LIMCH1: variants seen among roughly 807,000 people sequenced by gnomAD.
LIMCH1 encodes LIM and calponin homology domains 1, also known as LIM and calponin homology domains-containing protein 1.
In LIMCH1, 113 loss-of-function variants were observed where a neutral mutation model predicts 176.5. The ratio of observed to expected loss-of-function variants is 0.64; its 90% confidence interval spans 0.55 to 0.75. The LOEUF is 0.75. Among genes scored for constraint, LIMCH1 ranks in the 30% least tolerant of loss-of-function variants. LIMCH1 has a pLI of 0.00. For missense variants in LIMCH1, 1,674 were observed against 1,814.9 expected, an observed-to-expected ratio of 0.92 and a Z score of 1.41; for synonymous variants, 619 against 645.9, an observed-to-expected ratio of 0.96 and a Z score of 0.63.
intron 1 of LIMCH1, among the ~76,000 whole-genome samples, chr4:41,484,516 A>G (rs1479380501): frequency 1.3e-5 from 2 of 152,240 alleles, no homozygotes; most frequent in East Asian, 3.8e-4. Context: ...GTTCTGCTTT[A>G]TTTCACAATT....
At chr4:41,696,028 T>C (rs1730408901) in intron 31 of LIMCH1, among the ~76,000 whole-genome samples, 1 of 152,142 alleles carries the variant, frequency 6.6e-6, no homozygotes, top group Non-Finnish European at 1.5e-5. Flanking sequence ...GCATTCTAAG[T>C]GAAACAAAAT....
In LIMCH1 at chr4:41,598,943, A is replaced by G. The variant is rs989571697; in HGVS notation, c.-217A>G. 8 of 1,607,552 alleles carry G rather than the reference A, an allele frequency of 5.0e-6. No homozygotes were observed. The Admixed American group carries it at 1.0e-4, about 20-fold the overall frequency. ...AGGACAATATTATCTTATTCTTGAG[A>G]GGTTGTAAAGAGCTCGGCCTTAAAG... is the stretch of plus-strand genomic sequence containing the variant. On this transcript the variant is annotated 5_prime_UTR_variant, in exon 2 of 32. Transcript: ENST00000503057.
chr4:41,621,934 C>T (rs1180472997), intron 7 of LIMCH1, among the ~76,000 whole-genome samples: 1 of 151,628 alleles, frequency 6.6e-6, no homozygotes, highest in Non-Finnish European at 1.5e-5. Context: ...ATTAAATATC[C>T]AGTGTTGAGT....
rs73810287 is a variant in LIMCH1 at position 41,618,980 on chromosome 4, A to G, written c.206-208A>G. Among the ~76,000 whole-genome samples the G allele has an allele frequency of 6.9e-3, 1,052 of 152,276 alleles. 14 individuals carry two copies. Among genetic ancestry groups the G allele is most frequent in the African/African-American group, 0.024 (991 of 41,552 alleles). Reference sequence around the variant, plus strand: ...TGTAGTTTTTAGTTTTGCCCTTGTCAGGTTTTTTTCCTGATTTTTTTCCTT... The same window carrying G: ...TGTAGTTTTTAGTTTTGCCCTTGTCGGGTTTTTTTCCTGATTTTTTTCCTT... On this transcript the variant is annotated intron_variant, in intron 5 of 31. Transcript: ENST00000503057.
rs140554565 is a variant in LIMCH1 at position 41,495,584 on chromosome 4, C to T, written c.167+978C>T. 4.3e-3 allele frequency among the ~76,000 whole-genome samples: 659 copies of T among 152,220 alleles called. 1 individual carries two copies. The highest frequency in any genetic ancestry group is 9.2e-3 in the African/African-American group (383 of 41,536). ...TATTGCTTGGGATCCAATGATGACA[C>T]GGAAGGAATGTGGGTTTGGAGCCTG... On this transcript the variant is annotated intron_variant, in intron 2 of 26. Transcript: ENST00000313860.
intron 2 of LIMCH1, among the ~76,000 whole-genome samples, chr4:41,602,124 CAAAAAAAAAAAAAA>C (rs540240960): frequency 2.3e-4 from 17 of 73,300 alleles, no homozygotes; most frequent in Non-Finnish European, 3.8e-4. Flanking sequence ...TTGAGTAGAC[CAAAAAAAAAAAAAA>C]AAAAAAAAAA....
chr4:41,374,171 G>C (rs1197071096), intron 1 of LIMCH1, among the ~76,000 whole-genome samples: 3 of 152,158 alleles, frequency 2.0e-5, no homozygotes, highest in African/African-American at 4.8e-5. Context: ...GTCTGTGAGG[G>C]ATATTGATGA....
chr4:41,440,771 G>A (rs539277146), intron 1 of LIMCH1, among the ~76,000 whole-genome samples: 5 of 152,174 alleles, frequency 3.3e-5, no homozygotes, highest in African/African-American at 4.8e-5. Context: ...GACCTCAGGT[G>A]ATCCACCTGC....
chr4:41,416,106 C>T (rs1430157062), intron 1 of LIMCH1, among the ~76,000 whole-genome samples: 6 of 152,110 alleles, frequency 3.9e-5, no homozygotes, highest in Non-Finnish European at 5.9e-5. Context: ...GTGTGACCAG[C>T]GTCAAGGTGT....
chr4:41,362,044 T>C (rs894317832), intron 1 of LIMCH1, among the ~76,000 whole-genome samples: 3 of 152,198 alleles, frequency 2.0e-5, no homozygotes, highest in African/African-American at 7.2e-5. Flanking sequence ...CCGTTCAGCA[T>C]TGTGGTTCCC....
intron 1 of LIMCH1, among the ~76,000 whole-genome samples, chr4:41,381,994 G>A (rs1297802092): frequency 6.6e-6 from 1 of 152,206 alleles, no homozygotes; most frequent in Non-Finnish European, 1.5e-5. Context: ...GACATTGCCA[G>A]ATGCCCCCAA....
In LIMCH1 at chr4:41,501,809, G is replaced by A. The variant is rs994750463; in HGVS notation, c.167+7203G>A. ...AATCTTAATTTAGAATCAGGAAGGCGGGTTTAAAATCAATGGCATTTTCAC... is the reference window on the plus strand; with the variant it reads ...AATCTTAATTTAGAATCAGGAAGGCAGGTTTAAAATCAATGGCATTTTCAC... On this transcript the variant is annotated intron_variant, in intron 2 of 26. Coordinates refer to the LIMCH1 transcript ENST00000313860. 5.3e-5 allele frequency among the ~76,000 whole-genome samples: 8 copies of A among 149,606 alleles called. No homozygotes were observed. The South Asian group carries it at 6.4e-4, about 12-fold the overall frequency.
rs1585841745 is a variant in LIMCH1, at chr4:41,681,151, A to G, written c.3717+92A>G. 30 of 702,642 alleles carry G rather than the reference A, an allele frequency of 4.3e-5. No individual in the cohort carries two copies. The East Asian group carries it at 7.8e-4, about 18-fold the overall frequency. The allele number at this position is 702,642 out of a possible 1,614,324, so 43.5% of individuals were successfully genotyped here. On this transcript the variant is annotated intron_variant, in intron 25 of 31. Transcript: ENST00000503057. ...ACCAAGGTTACCGAACAGACTCACT[A>G]GTTTAAATCCAAGACTAGCTATTCC...
At position 41,572,177 on chromosome 4, in the gene LIMCH1, A is replaced by G. The variant is rs1050902036; in HGVS notation, c.-240-26743A>G. On this transcript the variant is annotated intron_variant, in intron 1 of 31. Coordinates refer to ENST00000503057, the MANE Select transcript of LIMCH1 (RefSeq NM_001330672.2). ...GTCAAACTTTTCTAAACACTGCTCC[A>G]TCTGGAAATGTAACACAATTAACAA... Among the ~76,000 whole-genome samples, 5 of 152,344 alleles carry G rather than the reference A, an allele frequency of 3.3e-5. No homozygotes were observed. The East Asian group carries it at 5.8e-4, about 18-fold the overall frequency.
intron 1 of LIMCH1, chr4:41,551,019 C>T (rs1228220107): frequency 6.6e-6 from 1 of 152,278 alleles, no homozygotes; most frequent in East Asian, 1.9e-4. Context: ...TTATTCTTAA[C>T]ATCTAGGTTT....
Position 41,633,561 on chromosome 4 carries a change from G to T in LIMCH1, c.1843G>T (p.Ala615Ser), listed in dbSNP as rs995720747. ...DSSQPLVCPL[A>S]SECEASGTEE... is the part of the protein sequence containing the mutation. ...ATGTTGCCCTAGGGTGTGTCCTCTG[G>T]CCTCTGAGTGTGAGGCTTCAGGGAC... The change falls in exon 13 of 32, where the codon GCC becomes TCC. Residue 615 changes from alanine (A) to serine (S), a missense_variant. By Grantham distance (99) the Ala-to-Ser change is moderately conservative. This residue lies in a region of LIMCH1 where 1,015 missense variants were observed against 1,102.5 expected (regional missense o/e 0.92). Transcript: ENST00000503057. 1.6e-5 allele frequency: 25 copies of T among 1,535,998 alleles called. No individual in the cohort carries two copies. The African/African-American group carries it at 3.0e-4, about 19-fold the overall frequency.
intron 1 of LIMCH1, among the ~76,000 whole-genome samples, chr4:41,374,691 C>T (rs1417912800): frequency 6.6e-6 from 1 of 152,072 alleles, no homozygotes; most frequent in Non-Finnish European, 1.5e-5. Context: ...CTACTTCATA[C>T]AAAGGCTGAC....
At chr4:41,508,191 G>A (rs1013280722) in intron 2 of LIMCH1, among the ~76,000 whole-genome samples, 4 of 152,192 alleles carry the variant, frequency 2.6e-5, no homozygotes, top group Admixed American at 2.0e-4. Flanking sequence ...GCAAGATTGT[G>A]CAGGGCCTTG....
At chr4:41,611,761 A>G (rs80009094) in intron 4 of LIMCH1, among the ~76,000 whole-genome samples, 378 of 152,382 alleles carry the variant, frequency 2.5e-3, no homozygotes, top group African/African-American at 8.8e-3. Flanking sequence ...TAAGTGTTCA[A>G]TAAAAGTGAC....
Sources: gnomAD v4.1 joint callset for allele counts (sites outside exome capture counted in the v4.1 genomes callset) on GRCh38, gnomAD v4.1.1 for gene constraint, gnomAD v4.1.1 regional missense constraint, MANE v1.5 for transcripts, NCBI Gene and HGNC (gene_info 2026-07-23, HGNC 2026-07-21) for gene names.